DNAJC1: variants seen among roughly 807,000 people sequenced by gnomAD.
DNAJC1 encodes the protein dnaJ homolog subfamily C member 1.
In DNAJC1, 58 loss-of-function variants were observed where a neutral mutation model predicts 76.6. The observed-to-expected ratio is 0.76, with a 90% CI of 0.61 to 0.94. DNAJC1 has a LOEUF of 0.94. Among genes scored for constraint, DNAJC1 ranks in the 40% least tolerant of loss-of-function variants. DNAJC1 has a pLI of 0.00. For synonymous variants in DNAJC1, 258 were observed against 267.9 expected, an observed-to-expected ratio of 0.96 and a Z score of 0.36; for missense variants, 689 against 677.3, an observed-to-expected ratio of 1.02 and a Z score of -0.19.
intron 8 of DNAJC1, among the ~76,000 whole-genome samples, chr10:21,879,583 C>T (rs527753663): frequency 2.2e-4 from 34 of 152,178 alleles, no homozygotes; most frequent in African/African-American, 7.9e-4. Flanking sequence ...GAGATCATGC[C>T]ACTGCACTCC....
intron 8 of DNAJC1, 141 bp from the exon 9 acceptor site, chr10:21,806,240 A>T (rs1032085968): frequency 6.7e-6 from 6 of 895,998 alleles, no homozygotes; most frequent in Non-Finnish European, 9.8e-6. Context: ...ACAATACTAA[A>T]TTGTATCTAA....
chr10:21,908,871 G>C (rs1836804402), intron 6 of DNAJC1, among the ~76,000 whole-genome samples: 1 of 151,520 alleles, frequency 6.6e-6, no homozygotes, highest in Admixed American at 6.6e-5. Flanking sequence ...AACTGTATTA[G>C]TACTTAAAAT....
intron 1 of DNAJC1, among the ~76,000 whole-genome samples, chr10:21,995,434 G>A (rs1191966421): frequency 6.6e-6 from 1 of 152,168 alleles, no homozygotes; most frequent in African/African-American, 2.4e-5. Context: ...ATTCCAGAAT[G>A]TGTTTAACCA....
intron 1 of DNAJC1, among the ~76,000 whole-genome samples, chr10:21,977,252 T>C (rs1656882989): frequency 6.6e-6 from 1 of 151,876 alleles, no homozygotes; most frequent in African/African-American, 2.4e-5. Flanking sequence ...ACTTAAGAAA[T>C]GAAAAAAACA....
chr10:21,974,077 G>A (rs1206070798), intron 1 of DNAJC1, among the ~76,000 whole-genome samples: 2 of 150,610 alleles, frequency 1.3e-5, no homozygotes, highest in Non-Finnish European at 3.0e-5. Context: ...ACTCCAGCCT[G>A]GGCAATCGAG....
At chr10:21,913,289 T>C (rs1193861670) in intron 6 of DNAJC1, among the ~76,000 whole-genome samples, 1 of 152,044 alleles carries the variant, frequency 6.6e-6, no homozygotes, top group African/African-American at 2.4e-5. Context: ...AGAGAGAAAC[T>C]TGAATGGTGA....
intron 6 of DNAJC1, among the ~76,000 whole-genome samples, chr10:21,913,037 C>T (rs896466998): frequency 6.7e-6 from 1 of 148,936 alleles, no homozygotes; most frequent in Non-Finnish European, 1.5e-5. Context: ...GAGAAGATTC[C>T]TCTATTTTCT....
In DNAJC1 at chr10:21,882,337, A is replaced by G; in HGVS notation, c.923T>C (p.Ile308Thr). The G allele has an allele frequency of 3.7e-6, 6 of 1,605,764 alleles. No individual in the cohort carries two copies. Among genetic ancestry groups the G allele is most frequent in the Non-Finnish European group, 5.1e-6 (6 of 1,177,452 alleles). Reference protein sequence around the residue: ...SYDHGTSIEEIEEQMDDWLEN... With the variant: ...SYDHGTSIEETEEQMDDWLEN... ...CAACCAATCATCCATTTGTTCCTCA[A>G]TTTCTTCTATGGAAGTTCCATGATC... The change falls in exon 8 of 12, where the codon ATT becomes ACT. Residue 308 changes from isoleucine (I) to threonine (T), a missense_variant. By Grantham distance (89) the Ile-to-Thr change is moderately conservative. Transcript: ENST00000376980.
intron 6 of DNAJC1, among the ~76,000 whole-genome samples, chr10:21,912,347 A>G (rs1254331255): frequency 6.6e-6 from 1 of 152,098 alleles, no homozygotes; most frequent in Non-Finnish European, 1.5e-5. Context: ...CTAACATCCT[A>G]CCTAACATTT....
chr10:21,813,391 CTT>C (rs35150177), intron 8 of DNAJC1, among the ~76,000 whole-genome samples: 183 of 132,846 alleles, frequency 1.4e-3, no homozygotes, highest in East Asian at 2.5e-3. Flanking sequence ...GGCAAACAGT[CTT>C]TTTTTTTTTT....
intron 8 of DNAJC1, among the ~76,000 whole-genome samples, chr10:21,846,610 G>C (rs1284650273): frequency 6.6e-6 from 1 of 152,110 alleles, no homozygotes; most frequent in Non-Finnish European, 1.5e-5. Context: ...ATAATATTCA[G>C]CAGATAGGTA....
intron 9 of DNAJC1, among the ~76,000 whole-genome samples, chr10:21,770,699 A>G: frequency 6.6e-6 from 1 of 152,178 alleles, no homozygotes; most frequent in East Asian, 1.9e-4. Context: ...ATGCCTGGCC[A>G]GAGTTGTAAG....
In DNAJC1 at chr10:22,003,260, C is replaced by G. The variant is rs11815728; in HGVS notation, c.175G>C (p.Val59Leu). 1.3e-6 allele frequency: 2 copies of G among 1,565,004 alleles called. No individual in the cohort carries two copies. Among genetic ancestry groups the G allele is most frequent in the South Asian group, 2.4e-5 (2 of 84,202 alleles). Residue 59 changes from valine to leucine, a missense_variant, in exon 1 of 12, where the codon GTG (valine) becomes CTG (leucine). Coordinates refer to ENST00000376980, the MANE Select transcript of DNAJC1 (RefSeq NM_022365.4). Reference protein sequence around the residue: ...ESGDLELFDLVEEVQLNFYQF... With the variant: ...ESGDLELFDLLEEVQLNFYQF... ...TAGAAGTTGAGCTGCACCTCCTCCA[C>G]TAAGTCAAACAACTCCAGGTCTCCG...
chr10:21,975,642 T>C (rs1838049603), intron 1 of DNAJC1, among the ~76,000 whole-genome samples: 1 of 151,264 alleles, frequency 6.6e-6, no homozygotes, highest in South Asian at 2.1e-4. Context: ...ACTAGCTATC[T>C]TACTTACTGT....
At chr10:21,897,397 G>A (rs980531349) in intron 7 of DNAJC1, among the ~76,000 whole-genome samples, 15 of 152,092 alleles carry the variant, frequency 9.9e-5, no homozygotes, top group Admixed American at 7.2e-4. Flanking sequence ...TCAACACCCC[G>A]TCATGATTTT....
At chr10:21,843,625 C>A (rs1785700955) in intron 8 of DNAJC1, among the ~76,000 whole-genome samples, 1 of 152,122 alleles carries the variant, frequency 6.6e-6, no homozygotes, top group African/African-American at 2.4e-5. Flanking sequence ...AATCTCCTGA[C>A]CTCGTGATCC....
intron 3 of DNAJC1, among the ~76,000 whole-genome samples, chr10:21,923,758 A>G (rs1837075904): frequency 6.6e-6 from 1 of 151,892 alleles, no homozygotes; most frequent in Non-Finnish European, 1.5e-5. Flanking sequence ...ATGGTTACAT[A>G]CTCATTAGTG....
intron 8 of DNAJC1, among the ~76,000 whole-genome samples, chr10:21,819,430 G>A (rs189143967): frequency 6.6e-6 from 1 of 152,034 alleles, no homozygotes; most frequent in East Asian, 1.9e-4. Context: ...AGGACATGCA[G>A]TAGTCTACTA....
chr10:21,937,790 A>G (rs2131791537), intron 1 of DNAJC1, among the ~76,000 whole-genome samples: 1 of 152,330 alleles, frequency 6.6e-6, no homozygotes, highest in Non-Finnish European at 1.5e-5. Flanking sequence ...ATGAAATGAA[A>G]TCAGAAATCA....
Sources: gnomAD v4.1 joint callset for allele counts (sites outside exome capture counted in the v4.1 genomes callset) on GRCh38, gnomAD v4.1.1 for gene constraint, MANE v1.5 for transcripts, NCBI Gene and HGNC (gene_info 2026-07-23, HGNC 2026-07-21) for gene names.